Variants in IL2RA observed in about 807,000 individuals in gnomAD.
IL2RA encodes interleukin 2 receptor subunit alpha, also known as interleukin-2 receptor subunit alpha.
A neutral mutation model predicts 37.8 loss-of-function variants in IL2RA; 24 were observed. The observed-to-expected ratio is 0.63, with a 90% CI of 0.46 to 0.89. The LOEUF (loss-of-function observed/expected upper bound fraction) is 0.89, where lower values mean the gene tolerates loss of function less well. IL2RA is among the 40% of genes least tolerant of loss of function. The probability of loss-of-function intolerance (pLI) is 0.00; values close to 1 mark genes in which losing one functional copy is unlikely to be tolerated. For synonymous variants in IL2RA, 125 were observed against 114.6 expected (o/e 1.09, Z -0.58); for missense variants, 319 against 348.6 (o/e 0.92, Z 0.68).
At chr10:6,050,932 C>G (rs1013461249) in intron 1 of IL2RA, among the ~76,000 whole-genome samples, 16 of 152,236 alleles carry the variant, frequency 1.1e-4, no homozygotes, top group African/African-American at 3.9e-4. Context: ...AGTGAAAGCC[C>G]GAAGTGCAGT....
intron 1 of IL2RA, among the ~76,000 whole-genome samples, chr10:6,050,792 CGAG>C (rs1564552255): frequency 6.6e-6 from 1 of 152,132 alleles, no homozygotes; most frequent in East Asian, 1.9e-4. Flanking sequence ...CAGTGCAGGA[CGAG>C]GAGGAGGAGG....
At chr10:6,019,321 A>G in intron 6 of IL2RA, 107 bp downstream of exon 6, 2 of 857,600 alleles carry the variant, frequency 2.3e-6, no homozygotes, top group Non-Finnish European at 4.1e-6. Context: ...CCAGTCAACC[A>G]ACTAACCAAC....
At chr10:6,026,170 C>CAGCA (rs1460258582) in intron 1 of IL2RA, 145 bp from the exon 2 acceptor site, 1 of 814,510 alleles carries the variant, frequency 1.2e-6, no homozygotes, top group African/African-American at 1.7e-5. Flanking sequence ...GCAACTAAGG[C>CAGCA]TGCTACCATT....
At chr10:6,052,523 A>G (rs1374424296) in intron 1 of IL2RA, among the ~76,000 whole-genome samples, 1 of 152,180 alleles carries the variant, frequency 6.6e-6, no homozygotes, top group Admixed American at 6.5e-5. Context: ...CTACCACACA[A>G]GAGGTTGTCT....
At position 6,047,674 on chromosome 10, in the gene IL2RA, AAATG is replaced by A. The variant is rs1269312468; in HGVS notation, c.64+14410_64+14413del. Among the ~76,000 whole-genome samples, 1 of 149,966 alleles carries A rather than the reference AAATG, an allele frequency of 6.7e-6. No individual in the cohort carries two copies. The highest frequency in any genetic ancestry group is 1.5e-5 in the Non-Finnish European group (1 of 67,592). ...AAGTATATAAATATAAATATATAAT[AAATG>A]AAATATATAAAATACCATCTTAGCT... On this transcript the variant is annotated intron_variant, in intron 1 of 7. Coordinates refer to ENST00000379959, the MANE Select transcript of IL2RA (RefSeq NM_000417.3). This position sits in a 1 kb window ranked among gnomAD's most constrained non-coding sequence, Gnocchi z 5.0.
Position 6,033,575 on chromosome 10 carries a change from T to G in IL2RA, c.65-7550A>C, listed in dbSNP as rs1839635356. Among the ~76,000 whole-genome samples the G allele has an allele frequency of 6.6e-6, 1 of 152,214 alleles. No homozygotes were observed. Among genetic ancestry groups the G allele is most frequent in the Non-Finnish European group, 1.5e-5 (1 of 68,030 alleles). On this transcript the variant is annotated intron_variant, in intron 1 of 7. Transcript: ENST00000379959. This position sits in a 1 kb window ranked among gnomAD's most constrained non-coding sequence, Gnocchi z 4.3. The stretch of plus-strand genomic sequence containing the variant: ...TCATTGGGAGAACAGACAAGTAGCT[T>G]ATGATATAGTCATACTATAGAAACC...
chr10:6,054,456 G>A lies in IL2RA; in HGVS notation c.64+7632C>T, dbSNP rs978532084. Among the ~76,000 whole-genome samples, 9 of 152,200 alleles carry A rather than the reference G, an allele frequency of 5.9e-5. No individual in the cohort carries two copies. The highest frequency in any genetic ancestry group is 8.8e-5 in the Non-Finnish European group (6 of 68,032). On this transcript the variant is annotated intron_variant, in intron 1 of 7. Transcript: ENST00000379959. The surrounding 1 kb of genome is among the most constrained non-coding windows in gnomAD (Gnocchi z 4.5). ...TAGACACTGCAGGGTTGAAGCTGGG[G>A]GAGAAGCACTCACATGCTGTCTGTC...
At chr10:6,032,422 G>A (rs967547901) in intron 1 of IL2RA, among the ~76,000 whole-genome samples, 1 of 152,180 alleles carries the variant, frequency 6.6e-6, no homozygotes, top group East Asian at 1.9e-4. Context: ...GCAGGGTGTG[G>A]TGGCTCACGC....
rs1227045963 is a variant in IL2RA, at chr10:6,019,421, C to A, written c.727+7G>T. On this transcript the variant is annotated splice_region_variant and intron_variant, in intron 6 of 7. Transcript: ENST00000379959. ...CATTTTGTCCACAAAGCCAGTGCCC[C>A]ACTCACCTGCTACCTGGTACTCTGT... 11 of 1,601,182 alleles carry A rather than the reference C, an allele frequency of 6.9e-6. No individual in the cohort carries two copies. Among genetic ancestry groups the A allele is most frequent in the Non-Finnish European group, 9.4e-6 (11 of 1,168,238 alleles).
At position 6,014,281 on chromosome 10, in the gene IL2RA, C is replaced by T. The variant is rs923325800; in HGVS notation, c.795-1385G>A. 6.6e-6 allele frequency among the ~76,000 whole-genome samples: 1 copy of T among 152,170 alleles called. No individual in the cohort carries two copies. The highest frequency in any genetic ancestry group is 2.4e-5 in the African/African-American group (1 of 41,432). ...ACAAAAAATATTTCCCCAACCAAAACTCTCTGGCTGGGCTACAGTGATCTT... is the reference window on the plus strand; with the variant it reads ...ACAAAAAATATTTCCCCAACCAAAATTCTCTGGCTGGGCTACAGTGATCTT... On this transcript the variant is annotated intron_variant, in intron 7 of 7. Transcript: ENST00000379959. This position sits in a 1 kb window ranked among gnomAD's most constrained non-coding sequence, Gnocchi z 4.4.
At chr10:6,027,117 T>G (rs1477252469) in intron 1 of IL2RA, among the ~76,000 whole-genome samples, 3 of 151,974 alleles carry the variant, frequency 2.0e-5, no homozygotes, top group African/African-American at 7.2e-5. Flanking sequence ...AGGTCAGCAG[T>G]TCAAAACCAG....
Position 6,029,268 on chromosome 10 carries a change from G to A in IL2RA, c.65-3243C>T, listed in dbSNP as rs776825611. ...CAACCTCTGCCCCCCGGGTTCAAGCGATTCTCCTGCCTCAGCCTCCCAAGT... is the reference window on the plus strand; with the variant it reads ...CAACCTCTGCCCCCCGGGTTCAAGCAATTCTCCTGCCTCAGCCTCCCAAGT... On this transcript the variant is annotated intron_variant, in intron 1 of 7. Transcript: ENST00000379959. The surrounding 1 kb of genome is among the most constrained non-coding windows in gnomAD (Gnocchi z 4.6). Among the ~76,000 whole-genome samples, 2 of 151,462 alleles carry A rather than the reference G, an allele frequency of 1.3e-5. No individual in the cohort carries two copies. Among genetic ancestry groups the A allele is most frequent in the African/African-American group, 2.4e-5 (1 of 41,230 alleles).
chr10:6,062,267 C>T lies in IL2RA; in HGVS notation c.-116G>A, dbSNP rs888269941. ...GCCGGAGGATGTGGGATGGGAAGAT[C>T]GGTCCGCCTGGGCTGTCACCCTTGT... On this transcript the variant is annotated 5_prime_UTR_variant, in exon 1 of 8. Coordinates refer to ENST00000379959, the MANE Select transcript of IL2RA (RefSeq NM_000417.3). 5.8e-6 allele frequency: 5 copies of T among 855,126 alleles called. No individual in the cohort carries two copies. The highest frequency in any genetic ancestry group is 1.4e-5 in the South Asian group (1 of 70,350). The allele number at this position is 855,126 out of a possible 1,614,324, so 53.0% of individuals were successfully genotyped here.
chr10:6,052,835 CCT>C (rs1056405621), intron 1 of IL2RA, among the ~76,000 whole-genome samples: 5 of 152,162 alleles, frequency 3.3e-5, no homozygotes, highest in African/African-American at 1.2e-4. Flanking sequence ...CTCAGAATTT[CCT>C]CTGTTTTGTG....
intron 6 of IL2RA, 54 bp downstream of exon 6, chr10:6,019,374 G>C: frequency 1.5e-6 from 2 of 1,343,708 alleles, no homozygotes; most frequent in East Asian, 2.3e-5. Context: ...CAGTCAACCT[G>C]TCCATATCTC....
rs1437675695 is a variant in IL2RA, at chr10:6,044,236, C to T, written c.64+17852G>A. 6.6e-6 allele frequency among the ~76,000 whole-genome samples: 1 copy of T among 152,208 alleles called. No homozygotes were observed. The highest frequency in any genetic ancestry group is 2.4e-5 in the African/African-American group (1 of 41,448). ...GCCCGCAAGGGTTCTTGGCTTTGCC[C>T]AGGAAGGAATTCAGGGGCAAGCCAG... On this transcript the variant is annotated intron_variant, in intron 1 of 7. Coordinates refer to ENST00000379959, the MANE Select transcript of IL2RA (RefSeq NM_000417.3). This position sits in a 1 kb window ranked among gnomAD's most constrained non-coding sequence, Gnocchi z 4.5.
rs1014045828 is a variant in IL2RA at position 6,011,754 on chromosome 10, T to G, written c.*1118A>C. 1.3e-5 allele frequency: 2 copies of G among 152,448 alleles called. No individual in the cohort carries two copies. Among genetic ancestry groups the G allele is most frequent in the African/African-American group, 4.8e-5 (2 of 41,448 alleles). 9.4% of individuals were successfully genotyped at this position (152,448 alleles called of 1,614,324 possible). Reference sequence around the variant, plus strand: ...ATGTGTCTTGCTATGCTGCCCAGGCTGGTCTCAAACTCCTGGCCTCAAGAG... The same window carrying G: ...ATGTGTCTTGCTATGCTGCCCAGGCGGGTCTCAAACTCCTGGCCTCAAGAG... On this transcript the variant is annotated 3_prime_UTR_variant, in exon 8 of 8. Coordinates refer to ENST00000379959, the MANE Select transcript of IL2RA (RefSeq NM_000417.3). This position sits in a 1 kb window ranked among gnomAD's most constrained non-coding sequence, Gnocchi z 5.2.
At position 6,058,017 on chromosome 10, in the gene IL2RA, T is replaced by C. The variant is rs1840073123; in HGVS notation, c.64+4071A>G. 6.6e-6 allele frequency among the ~76,000 whole-genome samples: 1 copy of C among 152,004 alleles called. No individual in the cohort carries two copies. The highest frequency in any genetic ancestry group is 2.4e-5 in the African/African-American group (1 of 41,386). On this transcript the variant is annotated intron_variant, in intron 1 of 7. Coordinates refer to ENST00000379959, the MANE Select transcript of IL2RA (RefSeq NM_000417.3). This position sits in a 1 kb window ranked among gnomAD's most constrained non-coding sequence, Gnocchi z 4.2. ...GGCAGGTGCCTGTAATCCCAGCTAC[T>C]TGGGGAGGCTGAGGCAGGAGAATCA... is the stretch of plus-strand genomic sequence containing the variant.
In IL2RA at chr10:6,012,778, G is replaced by A. The variant is rs1839209699; in HGVS notation, c.*94C>T. On this transcript the variant is annotated 3_prime_UTR_variant, in exon 8 of 8. Transcript: ENST00000379959. This position sits in a 1 kb window ranked among gnomAD's most constrained non-coding sequence, Gnocchi z 4.8. The stretch of plus-strand genomic sequence containing the variant: ...GGCAAGCACAACGGATGTCTCCTGG[G>A]CGACCATTTAGCACCTTTGATTTCA... The A allele has an allele frequency of 1.5e-6, 2 of 1,313,998 alleles. No homozygotes were observed. Among genetic ancestry groups the A allele is most frequent in the Non-Finnish European group, 2.2e-6 (2 of 906,438 alleles). The allele number at this position is 1,313,998 out of a possible 1,614,324, so 81.4% of individuals were successfully genotyped here. A position where few individuals can be genotyped will look rare whatever the true frequency, so the allele number is the denominator to read the frequency against.
Sources: gnomAD v4.1 joint callset for allele counts (sites outside exome capture counted in the v4.1 genomes callset) on GRCh38, gnomAD v4.1.1 for gene constraint, Gnocchi (gnomAD v3.1) non-coding constraint, MANE v1.5 for transcripts, NCBI Gene and HGNC (gene_info 2026-07-23, HGNC 2026-07-21) for gene names.